ADCY8: variants seen among roughly 807,000 people sequenced by gnomAD.
The protein encoded by ADCY8 is adenylate cyclase type 8.
Under a neutral mutation model 119.7 loss-of-function variants are expected in ADCY8, and 51 were observed. The observed-to-expected ratio is 0.43, with a 90% CI of 0.34 to 0.54. The LOEUF is 0.54. ADCY8 is among the 20% of genes least tolerant of loss of function. ADCY8 has a pLI of 0.03. For missense variants in ADCY8, 1,383 were observed against 1,598.8 expected (o/e 0.87, Z 2.30); for synonymous variants, 665 against 651.0 (o/e 1.02, Z -0.33).
chr8:130,972,713 C>T (rs964180544), intron 2 of ADCY8, among the ~76,000 whole-genome samples: 5 of 152,140 alleles, frequency 3.3e-5, no homozygotes, highest in Middle Eastern at 6.8e-3. Flanking sequence ...GGAAACCGCA[C>T]GAATGAAGCC....
chr8:131,000,817 T>C (rs1822920860), intron 1 of ADCY8, among the ~76,000 whole-genome samples: 1 of 151,866 alleles, frequency 6.6e-6, no homozygotes, highest in Non-Finnish European at 1.5e-5. Flanking sequence ...TTGAGCCTGG[T>C]AAAGGGAAAA....
chr8:130,963,110 TTTC>T (rs1321874152), intron 2 of ADCY8, among the ~76,000 whole-genome samples: 2 of 150,502 alleles, frequency 1.3e-5, no homozygotes, highest in Non-Finnish European at 2.9e-5. Flanking sequence ...CGTGTTTTTC[TTTC>T]TTTTTTTTTT....
chr8:131,022,516 C>G (rs944564259), intron 1 of ADCY8, among the ~76,000 whole-genome samples: 1 of 152,140 alleles, frequency 6.6e-6, no homozygotes, highest in African/African-American at 2.4e-5. Context: ...TTTATCCAGT[C>G]TATCATTGAT....
intron 9 of ADCY8, among the ~76,000 whole-genome samples, chr8:130,860,205 T>C (rs1586494276): frequency 6.6e-6 from 1 of 152,340 alleles, no homozygotes; most frequent in African/African-American, 2.4e-5. Context: ...TATATCTTGT[T>C]TGGTGAGTTG....
chr8:130,903,700 T>C (rs1176070642), intron 7 of ADCY8, 72 bp downstream of exon 7: 1 of 1,538,834 alleles, frequency 6.5e-7, no homozygotes. Flanking sequence ...CAGTTTTCTC[T>C]GAGGTGTCTG....
Position 130,783,782 on chromosome 8 carries a change from A to G in ADCY8, c.3177T>C (p.His1059=). ...GTGAGAAGTCAGCCAGAGCACACAA[A>G]TGTCCCCACTTGTCTTCACATTGCT... The part of the protein sequence containing the change: ...EKQQCEDKWG[H]LCALADFSLA... The change falls in exon 17 of 18, where the codon CAT becomes CAC. Residue 1059 remains histidine, a synonymous_variant. Transcript: ENST00000286355. The G allele has an allele frequency of 6.2e-7, 1 of 1,613,662 alleles. No individual in the cohort carries two copies. Among genetic ancestry groups the G allele is most frequent in the Non-Finnish European group, 8.5e-7 (1 of 1,179,722 alleles).
At chr8:130,845,521 C>T (rs527272227) in intron 11 of ADCY8, among the ~76,000 whole-genome samples, 9 of 152,296 alleles carry the variant, frequency 5.9e-5, no homozygotes, top group Admixed American at 1.3e-4. Flanking sequence ...AACCAGCTTT[C>T]GCCTAGCTCT....
intron 2 of ADCY8, among the ~76,000 whole-genome samples, chr8:130,981,983 G>A (rs1822253959): frequency 6.6e-6 from 1 of 152,174 alleles, no homozygotes; most frequent in South Asian, 2.1e-4. Context: ...TCTAAGGTTG[G>A]TGTACACACA....
chr8:130,842,871 C>CAA lies in ADCY8; in HGVS notation c.2502+4551_2502+4552dup, dbSNP rs35357039. ...TGAGCAACAGAGTGACACTCTGTCTCAAAAAAAAAAAAAAAAAAAGTTAAT... is the reference window on the plus strand; with the variant it reads ...TGAGCAACAGAGTGACACTCTGTCTCAAAAAAAAAAAAAAAAAAAAAGTTAAT... On this transcript the variant is annotated intron_variant, in intron 11 of 17. Transcript: ENST00000286355. Among the ~76,000 whole-genome samples the CAA allele has an allele frequency of 1.2e-3, 105 of 87,242 alleles. 2 individuals are homozygous for CAA. Among genetic ancestry groups the CAA allele is most frequent in the East Asian group, 2.5e-3 (8 of 3,254 alleles). The allele number at this position is 87,242 out of a possible 152,430, so 57.2% of individuals were successfully genotyped here. A position where few individuals can be genotyped will look rare whatever the true frequency, so the allele number is the denominator to read the frequency against.
intron 7 of ADCY8, among the ~76,000 whole-genome samples, chr8:130,888,504 T>C (rs1819070854): frequency 6.6e-6 from 1 of 152,072 alleles, no homozygotes; most frequent in Admixed American, 6.6e-5. Flanking sequence ...CCCAAAATGA[T>C]GTTGAATTCC....
At chr8:130,916,680 C>A (rs1359227240) in intron 5 of ADCY8, among the ~76,000 whole-genome samples, 1 of 152,266 alleles carries the variant, frequency 6.6e-6, no homozygotes, top group Non-Finnish European at 1.5e-5. Flanking sequence ...CGCTTAAAGG[C>A]ATTCTTAAGC....
At chr8:130,805,037 G>A (rs1300281028) in intron 14 of ADCY8, among the ~76,000 whole-genome samples, 3 of 152,164 alleles carry the variant, frequency 2.0e-5, no homozygotes, top group Admixed American at 6.5e-5. Flanking sequence ...ATGAGCTACT[G>A]CCCCCAGCCT....
chr8:130,809,265 C>G (rs989403), intron 14 of ADCY8, among the ~76,000 whole-genome samples: 23,901 of 152,170 alleles, frequency 0.16, 2,218 homozygotes, highest in African/African-American at 0.26. Flanking sequence ...TTTGAGCTCA[C>G]TACTCACTAG....
chr8:130,823,615 T>G (rs948097710), intron 12 of ADCY8, among the ~76,000 whole-genome samples: 2 of 152,240 alleles, frequency 1.3e-5, no homozygotes, highest in Admixed American at 1.3e-4. Context: ...TTTTCAGGGC[T>G]ATAACAATCT....
At chr8:130,853,223 G>C (rs1447085815) in intron 9 of ADCY8, among the ~76,000 whole-genome samples, 1 of 152,202 alleles carries the variant, frequency 6.6e-6, no homozygotes, top group Non-Finnish European at 1.5e-5. Context: ...CCAGAGCCTT[G>C]ATCTACCCTA....
At chr8:130,856,891 A>G (rs575529065) in intron 9 of ADCY8, among the ~76,000 whole-genome samples, 29 of 152,186 alleles carry the variant, frequency 1.9e-4, no homozygotes, top group Middle Eastern at 3.4e-3. Context: ...AATAACCACC[A>G]ATGGCTGTTG....
intron 5 of ADCY8, among the ~76,000 whole-genome samples, chr8:130,932,337 T>G (rs1171530809): frequency 6.6e-6 from 1 of 152,190 alleles, no homozygotes; most frequent in African/African-American, 2.4e-5. Context: ...TTGAGCTGTG[T>G]GGTCCTATCT....
chr8:131,006,578 G>T lies in ADCY8; in HGVS notation c.961-16036C>A, dbSNP rs113883002. Among the ~76,000 whole-genome samples the T allele has an allele frequency of 5.6e-3, 846 of 152,198 alleles. 6 individuals carry two copies. The highest frequency in any genetic ancestry group is 0.02 in the African/African-American group (819 of 41,518). On this transcript the variant is annotated intron_variant, in intron 1 of 17. Coordinates refer to ENST00000286355, the MANE Select transcript of ADCY8 (RefSeq NM_001115.3). ...AAACATGGCAGGATTCTAGACCTTA[G>T]TTTTTTTCCATTTGCATATGGAACA...
At chr8:130,924,936 C>T (rs546409226) in intron 5 of ADCY8, among the ~76,000 whole-genome samples, 6 of 151,874 alleles carry the variant, frequency 4.0e-5, no homozygotes, top group South Asian at 2.1e-4. Flanking sequence ...CGTCCGGGCA[C>T]GGTGGCTCAC....
Sources: gnomAD v4.1 joint callset for allele counts (sites outside exome capture counted in the v4.1 genomes callset) on GRCh38, gnomAD v4.1.1 for gene constraint, MANE v1.5 for transcripts, NCBI Gene and HGNC (gene_info 2026-07-23, HGNC 2026-07-21) for gene names.